TAB3: variants seen among roughly 807,000 people sequenced by gnomAD.
TAB3 encodes the protein TGF-beta activated kinase 1 (MAP3K7) binding protein 3, also known as TGF-beta-activated kinase 1 and MAP3K7-binding protein 3.
In TAB3, 18 loss-of-function variants were observed where a neutral mutation model predicts 48.1. The ratio of observed to expected loss-of-function variants is 0.37; its 90% confidence interval spans 0.26 to 0.55. TAB3 has a LOEUF of 0.55. TAB3 is among the 20% of genes least tolerant of loss of function. The pLI, the probability that TAB3 is intolerant of heterozygous loss-of-function variation, is 0.78. For missense variants in TAB3, 414 were observed against 549.8 expected, an observed-to-expected ratio of 0.75 and a Z score of 2.47; for synonymous variants, 185 against 190.2, an observed-to-expected ratio of 0.97 and a Z score of 0.22.
intron 2 of TAB3, among the ~76,000 whole-genome samples, chrX:30,868,676 C>T (rs1179807875): frequency 2.2e-5 from 2 of 91,788 alleles, no homozygotes; most frequent in African/African-American, 8.0e-5. Context: ...CTTATTTTGA[C>T]AGATGAGCAC....
At chrX:30,874,248 C>T (rs912073157) in intron 1 of TAB3, among the ~76,000 whole-genome samples, 2 of 112,099 alleles carry the variant, frequency 1.8e-5, no homozygotes, top group Non-Finnish European at 3.8e-5. Flanking sequence ...CTCCTAACTT[C>T]GGCTTTGTTC....
intron 2 of TAB3, 115 bp from the exon 3 acceptor site, chrX:30,867,664 C>A (rs142690348): frequency 9.0e-6 from 1 of 111,501 alleles, no homozygotes; most frequent in East Asian, 2.8e-4. Flanking sequence ...GGATGCTAGA[C>A]CACACTTTCA....
chrX:30,846,516 ATTAC>A, intron 8 of TAB3, 31 bp downstream of exon 8: 1 of 1,042,418 alleles, frequency 9.6e-7, no homozygotes, highest in Non-Finnish European at 1.3e-6. Context: ...ATACCACACT[ATTAC>A]TTATGGTTTA....
intron 4 of TAB3, among the ~76,000 whole-genome samples, chrX:30,866,496 C>T (rs1287263195): frequency 9.1e-6 from 1 of 110,000 alleles, no homozygotes; most frequent in Non-Finnish European, 1.9e-5. Context: ...TCTTGTAGTA[C>T]CAGAAAGTAA....
rs143546430 is a variant in TAB3 at position 30,866,551 on chromosome X, G to A, written c.-91+564C>T. On this transcript the variant is annotated intron_variant, in intron 4 of 10. Transcript: ENST00000288422. Reference sequence around the variant, plus strand: ...AATCCCATGATGATGAGGGCATGTCGAAATGACACAGGAGCCAACTGAAGG... The same window carrying A: ...AATCCCATGATGATGAGGGCATGTCAAAATGACACAGGAGCCAACTGAAGG... 9.1e-3 allele frequency among the ~76,000 whole-genome samples: 1,013 copies of A among 110,792 alleles called. 8 individuals are homozygous for A. The highest frequency in any genetic ancestry group is 0.032 in the African/African-American group (969 of 30,454).
At chrX:30,871,434 T>A (rs758309854) in intron 2 of TAB3, among the ~76,000 whole-genome samples, 1 of 111,893 alleles carries the variant, frequency 8.9e-6, no homozygotes, top group African/African-American at 3.2e-5. Flanking sequence ...CCTTCTATTT[T>A]CTGGTGAGGT....
At chrX:30,846,093 TAA>T in intron 8 of TAB3, 1 of 948,716 alleles carries the variant, frequency 1.1e-6, no homozygotes, top group Non-Finnish European at 1.4e-6. Flanking sequence ...TCCAAAAAAC[TAA>T]AACTATGATT....
At chrX:30,861,468 G>A (rs1939250469) in intron 4 of TAB3, among the ~76,000 whole-genome samples, 1 of 110,821 alleles carries the variant, frequency 9.0e-6, no homozygotes, top group Non-Finnish European at 1.9e-5. Context: ...AAATCAATGG[G>A]TATATTTTTC....
intron 10 of TAB3, 111 bp from the exon 11 acceptor site, chrX:30,831,686 C>A: frequency 1.1e-6 from 1 of 870,946 alleles, no homozygotes; most frequent in East Asian, 3.4e-5. Context: ...GAGGTAATTG[C>A]CTACTTTAAT....
At chrX:30,884,478 C>T (rs986706498) in intron 1 of TAB3, among the ~76,000 whole-genome samples, 1 of 109,595 alleles carries the variant, frequency 9.1e-6, no homozygotes, top group African/African-American at 3.3e-5. Flanking sequence ...GGCATTTTAC[C>T]CCGAGATCAT....
chrX:30,839,689 T>C (rs760820599), intron 9 of TAB3, among the ~76,000 whole-genome samples: 1 of 109,752 alleles, frequency 9.1e-6, no homozygotes, highest in Non-Finnish European at 1.9e-5. Flanking sequence ...ATGGAAAATC[T>C]CCGCAACTTC....
rs1016492895 is a variant in TAB3 at position 30,872,017 on chromosome X, G to A, written c.-382-216C>T. Reference sequence around the variant, plus strand: ...CAGCCTGCTCCTCTCTCATCACCTCGAGTGCCTAAGGTAGAGCTTTACAAC... The same window carrying A: ...CAGCCTGCTCCTCTCTCATCACCTCAAGTGCCTAAGGTAGAGCTTTACAAC... On this transcript the variant is annotated intron_variant, in intron 1 of 10. Transcript: ENST00000288422. Among the ~76,000 whole-genome samples the A allele has an allele frequency of 8.0e-5, 9 of 111,936 alleles. No individual in the cohort carries two copies. The East Asian group carries it at 2.5e-3, about 31-fold the overall frequency.
chrX:30,832,123 A>T (rs747479152), intron 10 of TAB3, among the ~76,000 whole-genome samples: 1 of 112,466 alleles, frequency 8.9e-6, no homozygotes, highest in Non-Finnish European at 1.9e-5. Context: ...TAGTGAAAAG[A>T]GGAAGATTCT....
chrX:30,831,582 G>T lies in TAB3; in HGVS notation c.1991-7C>A. 2 of 1,210,008 alleles carry T rather than the reference G, an allele frequency of 1.7e-6. No homozygotes were observed. The highest frequency in any genetic ancestry group is 1.1e-6 in the Non-Finnish European group (1 of 894,630). The stretch of plus-strand genomic sequence containing the variant: ...GTGGAGCCAGTTCGATGCTCTGAGG[G>T]AGGTTAGGATTAAGGGGGAGGGGGA... On this transcript the variant is annotated splice_region_variant and splice_polypyrimidine_tract_variant and intron_variant, in intron 10 of 10. Coordinates refer to ENST00000288422, the MANE Select transcript of TAB3 (RefSeq NM_152787.5).
chrX:30,867,950 A>G (rs1161723211), intron 2 of TAB3, among the ~76,000 whole-genome samples: 2 of 105,046 alleles, frequency 1.9e-5, no homozygotes, highest in South Asian at 4.4e-4. Context: ...AGGCTAGAGT[A>G]TAGTGGCAAA....
chrX:30,853,477 A>G (rs763414821), intron 6 of TAB3, among the ~76,000 whole-genome samples: 8 of 111,942 alleles, frequency 7.1e-5, no homozygotes, highest in South Asian at 3.6e-4. Context: ...AAAAGATTCA[A>G]ATTCTTTCGT....
In TAB3 at chrX:30,829,220, A is replaced by G. The variant is rs1467073982; in HGVS notation, c.*2207T>C. The G allele has an allele frequency of 8.9e-6, 1 of 112,329 alleles. No individual in the cohort carries two copies. Among genetic ancestry groups the G allele is most frequent in the Non-Finnish European group, 1.9e-5 (1 of 53,229 alleles). The allele number at this position is 112,329 out of a possible 1,213,427, so 9.3% of individuals were successfully genotyped here. A position where few individuals can be genotyped will look rare whatever the true frequency, so the allele number is the denominator to read the frequency against. ...ATTAACCTTGATGTATTTTCATGCA[A>G]TAGTTTTAAAGTCATCTACATGGTT... On this transcript the variant is annotated 3_prime_UTR_variant, in exon 11 of 11. Transcript: ENST00000288422.
chrX:30,849,544 T>C (rs894085199), intron 7 of TAB3, among the ~76,000 whole-genome samples: 1 of 112,901 alleles, frequency 8.9e-6, no homozygotes, highest in Non-Finnish European at 1.9e-5. Flanking sequence ...ATGATAAGGC[T>C]AGCCATCTAC....
intron 2 of TAB3, among the ~76,000 whole-genome samples, chrX:30,867,920 T>A (rs1385613915): frequency 9.4e-6 from 1 of 106,368 alleles, no homozygotes. Flanking sequence ...GCATATAATT[T>A]TTTTTTTTTT....
Sources: gnomAD v4.1 joint callset for allele counts (sites outside exome capture counted in the v4.1 genomes callset) on GRCh38, gnomAD v4.1.1 for gene constraint, MANE v1.5 for transcripts, NCBI Gene and HGNC (gene_info 2026-07-23, HGNC 2026-07-21) for gene names.